The following ADARB2 variants were observed in gnomAD, a reference collection of about 807,000 sequenced individuals.
ADARB2 encodes the protein adenosine deaminase RNA specific B2 (inactive), also known as inactive double-stranded RNA-specific editase B2.
A neutral mutation model predicts 62.2 loss-of-function variants in ADARB2; 25 were observed. The observed-to-expected ratio is 0.40, with a 90% CI of 0.29 to 0.56. The LOEUF (loss-of-function observed/expected upper bound fraction) is 0.56. Ranked by LOEUF, ADARB2 falls within the 20% of genes least tolerant of loss-of-function variation. ADARB2 has a pLI of 0.43. For missense variants in ADARB2, 1,071 were observed against 1,077.4 expected (o/e 0.99, Z 0.08); for synonymous variants, 572 against 500.8 (o/e 1.14, Z -1.90).
At chr10:1,714,292 T>C (rs2119155362) in intron 1 of ADARB2, among the ~76,000 whole-genome samples, 1 of 152,366 alleles carries the variant, frequency 6.6e-6, no homozygotes, top group South Asian at 2.1e-4. Flanking sequence ...AGTGTCGCTA[T>C]CTAGAACCGG....
chr10:1,492,918 C>T (rs1831641081), intron 1 of ADARB2, among the ~76,000 whole-genome samples: 1 of 152,144 alleles, frequency 6.6e-6, no homozygotes, highest in South Asian at 2.1e-4. Context: ...TGACACGGAG[C>T]TCAGGCCTTG....
chr10:1,539,897 G>A (rs1832390436), intron 1 of ADARB2, among the ~76,000 whole-genome samples: 1 of 152,224 alleles, frequency 6.6e-6, no homozygotes, highest in African/African-American at 2.4e-5. Flanking sequence ...TGGGTCGGAA[G>A]TAGCTATGTT....
At chr10:1,249,604 ATG>A (rs1831017683) in intron 4 of ADARB2, among the ~76,000 whole-genome samples, 2 of 149,426 alleles carry the variant, frequency 1.3e-5, no homozygotes, top group African/African-American at 5.1e-5. Flanking sequence ...TTTTTCCTGA[ATG>A]TGATTTTATG....
intron 1 of ADARB2, among the ~76,000 whole-genome samples, chr10:1,646,553 G>C (rs1433119850): frequency 6.6e-6 from 1 of 152,250 alleles, no homozygotes; most frequent in Non-Finnish European, 1.5e-5. Context: ...AACTCACACT[G>C]CTGCCAATGC....
intron 6 of ADARB2, 96 bp downstream of exon 6, chr10:1,233,598 C>T (rs181679896): frequency 2.0e-5 from 27 of 1,323,546 alleles, no homozygotes; most frequent in East Asian, 7.8e-5. Context: ...CCACACACCG[C>T]GCCCCTGCCC....
chr10:1,199,662 T>G, intron 8 of ADARB2: 1 of 313,666 alleles, frequency 3.2e-6, no homozygotes, highest in Non-Finnish European at 5.8e-6. Flanking sequence ...GGTGGGCAGG[T>G]GGGGCCTCTT....
In ADARB2 at chr10:1,261,405, C is replaced by T. The variant is rs936516772; in HGVS notation, c.1192+9550G>A. 4.2e-4 allele frequency among the ~76,000 whole-genome samples: 61 copies of T among 146,944 alleles called. 3 individuals carry two copies. Among genetic ancestry groups the T allele is most frequent in the African/African-American group, 1.6e-3 (60 of 37,080 alleles). On this transcript the variant is annotated intron_variant, in intron 4 of 9. Coordinates refer to ENST00000381312, the MANE Select transcript of ADARB2 (RefSeq NM_018702.4). Reference sequence around the variant, plus strand: ...GAGAAAATTTTCGCAACCTACTCATCTGACAAAGGGCTAATACCCAGAATC... The same window carrying T: ...GAGAAAATTTTCGCAACCTACTCATTTGACAAAGGGCTAATACCCAGAATC...
intron 4 of ADARB2, among the ~76,000 whole-genome samples, chr10:1,256,809 A>G (rs1257837028): frequency 3.3e-5 from 5 of 152,112 alleles, no homozygotes; most frequent in Non-Finnish European, 5.9e-5. Context: ...TTAAAAGTCT[A>G]TTTATCTCCT....
chr10:1,607,987 T>C (rs1833515310), intron 1 of ADARB2, among the ~76,000 whole-genome samples: 1 of 152,184 alleles, frequency 6.6e-6, no homozygotes, highest in African/African-American at 2.4e-5. Flanking sequence ...GCAAGGGCAA[T>C]GCAATATAGC....
chr10:1,205,923 G>A (rs1044091413), intron 7 of ADARB2, among the ~76,000 whole-genome samples: 2 of 125,098 alleles, frequency 1.6e-5, no homozygotes, highest in Middle Eastern at 3.9e-3. Flanking sequence ...TGGAGGTCAC[G>A]GGGCAGCCCG....
chr10:1,420,705 G>A (rs1832845083), intron 1 of ADARB2, among the ~76,000 whole-genome samples: 1 of 151,860 alleles, frequency 6.6e-6, no homozygotes, highest in African/African-American at 2.4e-5. Context: ...GGGAGCCGCT[G>A]CCTGCCGCTG....
chr10:1,199,778 G>C (rs898879477), intron 8 of ADARB2, 188 bp downstream of exon 8: 4 of 601,338 alleles, frequency 6.7e-6, no homozygotes, highest in Non-Finnish European at 8.4e-6. Context: ...CTGGCCTATT[G>C]CTATATGCAG....
At chr10:1,610,057 T>TA (rs1341070263) in intron 1 of ADARB2, among the ~76,000 whole-genome samples, 3 of 152,066 alleles carry the variant, frequency 2.0e-5, no homozygotes, top group Non-Finnish European at 4.4e-5. Context: ...CATTTTTTTT[T>TA]TTATTATTAC....
rs542425629 is a variant in ADARB2 at position 1,442,940 on chromosome 10, T to G, written c.101-63780A>C. 2.6e-5 allele frequency among the ~76,000 whole-genome samples: 4 copies of G among 152,302 alleles called. No homozygotes were observed. In the South Asian group the frequency reaches 8.3e-4, roughly 32 times the overall value. On this transcript the variant is annotated intron_variant, in intron 1 of 9. Transcript: ENST00000381312. The stretch of plus-strand genomic sequence containing the variant: ...GCCAGTCTGAAAAGCGAGTTGACTG[T>G]ACTTAAACTGATAGAAGACAGTAAA...
chr10:1,340,192 G>A (rs1434638747), intron 3 of ADARB2, among the ~76,000 whole-genome samples: 1 of 149,220 alleles, frequency 6.7e-6, no homozygotes, highest in Non-Finnish European at 1.5e-5. Flanking sequence ...GCAATAACCG[G>A]CATCCACCAG....
intron 3 of ADARB2, among the ~76,000 whole-genome samples, chr10:1,355,500 C>T (rs11250454): frequency 0.012 from 1,887 of 152,292 alleles, 44 homozygotes; most frequent in African/African-American, 0.042. Flanking sequence ...ATGTAAAGCA[C>T]GTAGAATAAT....
chr10:1,351,153 C>T (rs1468340546), intron 3 of ADARB2, among the ~76,000 whole-genome samples: 2 of 152,200 alleles, frequency 1.3e-5, no homozygotes, highest in South Asian at 2.1e-4. Context: ...ACTCCCAGAG[C>T]CCCTGGAACT....
In ADARB2 at chr10:1,325,733, G is replaced by A. The variant is rs567032236; in HGVS notation, c.1077+37295C>T. Among the ~76,000 whole-genome samples, 8 of 152,248 alleles carry A rather than the reference G, an allele frequency of 5.3e-5. No individual in the cohort carries two copies. The South Asian group carries it at 1.7e-3, about 32-fold the overall frequency. ...CATCTTTCTTGTACTAGAGACTCAA[G>A]CTTCCTTCTCAGTCCTGGGAGAAGG... On this transcript the variant is annotated intron_variant, in intron 3 of 9. Transcript: ENST00000381312.
rs533290907 is a variant in ADARB2, at chr10:1,611,475, G to A, written c.100+125576C>T. Among the ~76,000 whole-genome samples, 18 of 152,206 alleles carry A rather than the reference G, an allele frequency of 1.2e-4. No homozygotes were observed. In the South Asian group the frequency reaches 1.5e-3, roughly 12 times the overall value. On this transcript the variant is annotated intron_variant, in intron 1 of 9. Transcript: ENST00000381312. ...TCCAATAATTGATTTTCTCCCTCTT[G>A]CTGCTTCACTCGCTGGAGCTCCCCA...
Sources: gnomAD v4.1 joint callset for allele counts (sites outside exome capture counted in the v4.1 genomes callset) on GRCh38, gnomAD v4.1.1 for gene constraint, MANE v1.5 for transcripts, NCBI Gene and HGNC (gene_info 2026-07-23, HGNC 2026-07-21) for gene names.